ZRANB3: variants seen among roughly 807,000 people sequenced by gnomAD.
ZRANB3 encodes the protein zinc finger RANBP2-type containing 3, also known as DNA annealing helicase and endonuclease ZRANB3.
ZRANB3 carries 125 observed loss-of-function variants against 133.8 expected under a neutral mutation model. The observed-to-expected ratio is 0.93, with a 90% confidence interval of 0.81 to 1.08. ZRANB3 has a LOEUF of 1.08. Ranked by LOEUF, ZRANB3 falls within the 50% of genes least tolerant of loss-of-function variation. The pLI, the probability that ZRANB3 is intolerant of heterozygous loss-of-function variation, is 0.00. For synonymous variants in ZRANB3, 387 were observed against 432.7 expected (o/e 0.89, Z 1.31); for missense variants, 1,229 against 1,275.5 (o/e 0.96, Z 0.56).
At chr2:135,217,252 A>G (rs1016164011) in intron 17 of ZRANB3, among the ~76,000 whole-genome samples, 8 of 152,152 alleles carry the variant, frequency 5.3e-5, no homozygotes, top group Admixed American at 1.3e-4. Flanking sequence ...GGAGAGTAAG[A>G]TCTGGACAAC....
At position 135,528,744 on chromosome 2, in the gene ZRANB3, G is replaced by T. The variant is rs16831794; in HGVS notation, c.-8+2383C>A. On this transcript the variant is annotated intron_variant, in intron 1 of 20. Transcript: ENST00000264159. ...AAAGCAAGAGACAACACTTTGCCTG[G>T]TAGATCTACAAAAATGTCTTGCTGC... 6.0e-3 allele frequency among the ~76,000 whole-genome samples: 909 copies of T among 152,206 alleles called. 11 individuals carry two copies. Among genetic ancestry groups the T allele is most frequent in the African/African-American group, 0.021 (862 of 41,510 alleles).
chr2:135,376,597 T>C (rs1216174599), intron 3 of ZRANB3, among the ~76,000 whole-genome samples: 2 of 152,234 alleles, frequency 1.3e-5, no homozygotes, highest in Admixed American at 6.5e-5. Context: ...GTAAATATCA[T>C]ACATATAGGA....
At chr2:135,210,201 G>A (rs1694037822) in intron 17 of ZRANB3, among the ~76,000 whole-genome samples, 1 of 152,096 alleles carries the variant, frequency 6.6e-6, no homozygotes, top group Admixed American at 6.5e-5. Flanking sequence ...TGTACAATAC[G>A]TCCCTCACCA....
At chr2:135,360,498 G>T (rs957354425) in intron 3 of ZRANB3, among the ~76,000 whole-genome samples, 2 of 152,048 alleles carry the variant, frequency 1.3e-5, no homozygotes. Context: ...AAGGTCAGGA[G>T]ATCGAGACCA....
intron 2 of ZRANB3, among the ~76,000 whole-genome samples, chr2:135,453,423 TC>T (rs1679644595): frequency 6.6e-6 from 1 of 152,254 alleles, no homozygotes; most frequent in Non-Finnish European, 1.5e-5. Context: ...ATTTTTCTTT[TC>T]TACTGCATCA....
At chr2:135,313,678 A>C in intron 7 of ZRANB3, 73 bp from the exon 8 acceptor site, 1 of 907,748 alleles carries the variant, frequency 1.1e-6, no homozygotes, top group East Asian at 2.6e-5. Context: ...ATCATGAATC[A>C]TGTCCTACTT....
chr2:135,255,194 G>C (rs1320072245), intron 12 of ZRANB3, among the ~76,000 whole-genome samples: 1 of 151,996 alleles, frequency 6.6e-6, no homozygotes, highest in Admixed American at 6.6e-5. Flanking sequence ...AGTAACACAT[G>C]CTAGGTGCCA....
chr2:135,349,526 CG>C (rs1223893422), intron 5 of ZRANB3, among the ~76,000 whole-genome samples: 1 of 152,092 alleles, frequency 6.6e-6, no homozygotes, highest in Non-Finnish European at 1.5e-5. Context: ...CTGGTCTGCA[CG>C]TAAGTTTTAG....
chr2:135,306,225 C>T (rs1335990522), intron 8 of ZRANB3, among the ~76,000 whole-genome samples: 2 of 151,940 alleles, frequency 1.3e-5, no homozygotes, highest in Non-Finnish European at 2.9e-5. Flanking sequence ...AATATTTGGA[C>T]ACTTTATGGT....
chr2:135,310,293 A>C (rs1682911411), intron 8 of ZRANB3, among the ~76,000 whole-genome samples: 1 of 152,210 alleles, frequency 6.6e-6, no homozygotes, highest in Non-Finnish European at 1.5e-5. Context: ...AGGCTGATGA[A>C]TAGACCAATG....
At chr2:135,445,948 T>G (rs1690001565) in intron 2 of ZRANB3, among the ~76,000 whole-genome samples, 1 of 149,120 alleles carries the variant, frequency 6.7e-6, no homozygotes, top group Non-Finnish European at 1.5e-5. Context: ...CTCACACCTG[T>G]AATCCCAGCA....
At chr2:135,318,210 TTTTGTGTGTG>T (rs1329311401) in intron 6 of ZRANB3, among the ~76,000 whole-genome samples, 7 of 119,904 alleles carry the variant, frequency 5.8e-5, no homozygotes. Context: ...TTACACACTA[TTTTGTGTGTG>T]TGTGTGTGTG....
chr2:135,520,082 CT>C (rs60682356), intron 1 of ZRANB3, among the ~76,000 whole-genome samples: 11,163 of 143,384 alleles, frequency 0.078, 1,060 homozygotes, highest in African/African-American at 0.26. Context: ...CACTTAAATT[CT>C]TTTTTTTTTT....
chr2:135,257,780 T>G (rs959322054), intron 12 of ZRANB3, among the ~76,000 whole-genome samples: 2 of 152,208 alleles, frequency 1.3e-5, no homozygotes, highest in Admixed American at 1.3e-4. Flanking sequence ...TCATTCCACA[T>G]ACATTTATTG....
intron 1 of ZRANB3, among the ~76,000 whole-genome samples, chr2:135,517,386 T>C (rs1181561923): frequency 1.3e-5 from 2 of 152,096 alleles, no homozygotes; most frequent in Non-Finnish European, 2.9e-5. Context: ...TTTTGTGCTG[T>C]TTTTTCCTCA....
At chr2:135,529,048 A>G (rs919156143) in intron 1 of ZRANB3, among the ~76,000 whole-genome samples, 6 of 152,230 alleles carry the variant, frequency 3.9e-5, no homozygotes, top group African/African-American at 1.4e-4. Context: ...ACTTTTGGAC[A>G]AGGAGCCTGT....
intron 2 of ZRANB3, among the ~76,000 whole-genome samples, chr2:135,499,618 C>T (rs1186911882): frequency 6.6e-6 from 1 of 152,066 alleles, no homozygotes; most frequent in Non-Finnish European, 1.5e-5. Context: ...TTTTACTTAT[C>T]ATCAGAGAAA....
intron 12 of ZRANB3, among the ~76,000 whole-genome samples, chr2:135,241,120 G>A (rs187888981): frequency 5.1e-4 from 77 of 152,128 alleles, no homozygotes; most frequent in African/African-American, 1.3e-3. Context: ...TTTAGCTCTC[G>A]AAAATTTCTA....
intron 2 of ZRANB3, among the ~76,000 whole-genome samples, chr2:135,479,619 T>C (rs1436910221): frequency 6.6e-6 from 1 of 152,078 alleles, no homozygotes; most frequent in Non-Finnish European, 1.5e-5. Flanking sequence ...TGAGCCGAGA[T>C]TGTGCCACTG....
Sources: allele counts gnomAD v4.1 joint callset (sites outside exome capture counted in the v4.1 genomes callset), GRCh38; gene constraint gnomAD v4.1.1; transcripts MANE v1.5; gene names NCBI Gene and HGNC (gene_info 2026-07-23, HGNC 2026-07-21).